The following ANP32E variants were observed in gnomAD, a reference collection of about 807,000 sequenced individuals.
ANP32E encodes acidic nuclear phosphoprotein 32 family member E, also known as acidic leucine-rich nuclear phosphoprotein 32 family member E.
In ANP32E, 14 loss-of-function variants were observed where a neutral mutation model predicts 35.3. The observed-to-expected ratio is 0.40, with a 90% CI of 0.26 to 0.62. The LOEUF (loss-of-function observed/expected upper bound fraction) is 0.62. Among genes scored for constraint, ANP32E ranks in the 20% least tolerant of loss-of-function variants. The pLI, the probability that ANP32E is intolerant of heterozygous loss-of-function variation, is 0.45. For synonymous variants in ANP32E, 89 were observed against 110.4 expected, an observed-to-expected ratio of 0.81 and a Z score of 1.22; for missense variants, 198 against 304.4, an observed-to-expected ratio of 0.65 and a Z score of 2.60.
chr1:150,229,302 T>TA, intron 3 of ANP32E, 65 bp from the exon 4 acceptor site: 1 of 961,704 alleles, frequency 1.0e-6, no homozygotes, highest in Admixed American at 3.3e-5. Flanking sequence ...TTTTTTCTTT[T>TA]TTTTTTTTTT....
intron 1 of ANP32E, among the ~76,000 whole-genome samples, chr1:150,232,792 G>C (rs1396810204): frequency 6.6e-6 from 1 of 151,776 alleles, no homozygotes; most frequent in Non-Finnish European, 1.5e-5. Context: ...ATTTAAACTT[G>C]GACTAAAGTT....
intron 3 of ANP32E, 55 bp from the exon 4 acceptor site, chr1:150,229,292 T>A (rs1430584988): frequency 4.0e-5 from 34 of 848,126 alleles, no homozygotes; most frequent in Non-Finnish European, 2.0e-5. Flanking sequence ...ATGTTATTTC[T>A]TTTTTCTTTT....
intron 1 of ANP32E, chr1:150,234,679 G>C (rs1649636538): frequency 1.0e-6 from 1 of 985,598 alleles, no homozygotes; most frequent in Non-Finnish European, 1.2e-6. Flanking sequence ...TCCGACTGAC[G>C]GGAAACCCCA....
In ANP32E at chr1:150,235,609, C is replaced by A; in HGVS notation, c.54+124G>T. The A allele has an allele frequency of 1.9e-6, 2 of 1,048,836 alleles. No individual in the cohort carries two copies. The highest frequency in any genetic ancestry group is 2.8e-6 in the Non-Finnish European group (2 of 710,754). 65.0% of individuals were successfully genotyped at this position (1,048,836 alleles called of 1,614,324 possible). Reference sequence around the variant, plus strand: ...ACTTAAAATTAAACATTTCCCCAACCCTAACCCGGGGGGATGGGGGCTAAC... The same window carrying A: ...ACTTAAAATTAAACATTTCCCCAACACTAACCCGGGGGGATGGGGGCTAAC... On this transcript the variant is annotated intron_variant, in intron 1 of 6. Coordinates refer to ENST00000583931, the MANE Select transcript of ANP32E (RefSeq NM_030920.5). This position sits in a 1 kb window ranked among gnomAD's most constrained non-coding sequence, Gnocchi z 4.2.
At chr1:150,232,925 C>T (rs968217522) in intron 1 of ANP32E, among the ~76,000 whole-genome samples, 11 of 152,040 alleles carry the variant, frequency 7.2e-5, no homozygotes, top group Non-Finnish European at 1.6e-4. Flanking sequence ...ATGCAAGGAG[C>T]GAGTACCTGA....
chr1:150,223,722 T>TC (rs1375108366), intron 5 of ANP32E, among the ~76,000 whole-genome samples: 1 of 20 alleles, frequency 0.05, no homozygotes, highest in Non-Finnish European at 0.071. Flanking sequence ...ATCTGTAGTC[T>TC]TTTTTTTCTC....
chr1:150,229,241 G>T lies in ANP32E; in HGVS notation c.328-4C>A. On this transcript the variant is annotated splice_region_variant and splice_polypyrimidine_tract_variant and intron_variant, in intron 3 of 6. Coordinates refer to ENST00000583931, the MANE Select transcript of ANP32E (RefSeq NM_030920.5). ...TTTTCAAATTTTTAAGATTTTGCTGGAAAAGTAAAGTTAAAACTTACATTC... is the reference window on the plus strand; with the variant it reads ...TTTTCAAATTTTTAAGATTTTGCTGTAAAAGTAAAGTTAAAACTTACATTC... 4 of 1,499,374 alleles carry T rather than the reference G, an allele frequency of 2.7e-6. No homozygotes were observed. Among genetic ancestry groups the T allele is most frequent in the Non-Finnish European group, 3.6e-6 (4 of 1,112,248 alleles). The allele number at this position is 1,499,374 out of a possible 1,614,324, so 92.9% of individuals were successfully genotyped here. A position where few individuals can be genotyped will look rare whatever the true frequency, so the allele number is the denominator to read the frequency against.
chr1:150,228,459 A>T (rs2101780037), intron 4 of ANP32E, among the ~76,000 whole-genome samples: 1 of 152,290 alleles, frequency 6.6e-6, no homozygotes, highest in Non-Finnish European at 1.5e-5. Flanking sequence ...TAGGAGGCTG[A>T]GGCAGGTGGA....
Position 150,229,358 on chromosome 1 carries a change from C to T in ANP32E, c.328-121G>A, listed in dbSNP as rs1013404934. The T allele has an allele frequency of 2.2e-5, 14 of 631,958 alleles. No individual in the cohort carries two copies. In the African/African-American group the frequency reaches 2.7e-4, roughly 12 times the overall value. 39.1% of individuals were successfully genotyped at this position (631,958 alleles called of 1,614,324 possible). On this transcript the variant is annotated intron_variant, in intron 3 of 6. Coordinates refer to ENST00000583931, the MANE Select transcript of ANP32E (RefSeq NM_030920.5). ...TCTGTTGCCAGCTGGAATTCAGCGC[C>T]ACGATCTCTGCTCACTGCAACCTCC...
intron 6 of ANP32E, 55 bp downstream of exon 6, chr1:150,223,131 T>C (rs1478620432): frequency 1.4e-6 from 2 of 1,458,892 alleles, no homozygotes; most frequent in East Asian, 2.4e-5. Flanking sequence ...AAATAAAGTA[T>C]AAAAAATGAC....
intron 4 of ANP32E, among the ~76,000 whole-genome samples, chr1:150,227,251 T>C (rs779549525): frequency 3.7e-4 from 56 of 152,164 alleles, no homozygotes; most frequent in Non-Finnish European, 7.6e-4. Flanking sequence ...ACTGGGTATA[T>C]ACCCAAAGGA....
chr1:150,221,583 AGGGAGGGAGGGAG>A (rs1648398778), intron 6 of ANP32E, among the ~76,000 whole-genome samples: 4 of 18,856 alleles, frequency 2.1e-4, no homozygotes, highest in Non-Finnish European at 2.7e-4. Context: ...AGTGGGAGGA[AGGGAGGGAGGGAG>A]GGAGGGAGGG....
At chr1:150,226,014 T>TC (rs1294728900) in intron 5 of ANP32E, among the ~76,000 whole-genome samples, 4 of 150,676 alleles carry the variant, frequency 2.7e-5, no homozygotes, top group Non-Finnish European at 5.9e-5. Flanking sequence ...CCTGTTTTTT[T>TC]TTTTTTTTTG....
chr1:150,222,768 C>CAA (rs1189492520), intron 6 of ANP32E, among the ~76,000 whole-genome samples: 65 of 150,772 alleles, frequency 4.3e-4, no homozygotes, highest in African/African-American at 1.5e-3. Flanking sequence ...AACAAACAAA[C>CAA]AAAAATATAT....
chr1:150,231,745 A>T, intron 2 of ANP32E, 32 bp downstream of exon 2: 1 of 1,591,886 alleles, frequency 6.3e-7, no homozygotes, highest in Non-Finnish European at 8.5e-7. Context: ...GTGGCATTGA[A>T]ATCATGATGC....
chr1:150,218,967 T>C lies in ANP32E; in HGVS notation c.*1724A>G, dbSNP rs782238593. On this transcript the variant is annotated 3_prime_UTR_variant, in exon 7 of 7. Transcript: ENST00000583931. ...TTTTAAAAGCAGAAGAAAAATGTTATCTTTTTGGGGATTCCAATCCCCTCA... is the reference window on the plus strand; with the variant it reads ...TTTTAAAAGCAGAAGAAAAATGTTACCTTTTTGGGGATTCCAATCCCCTCA... 2.0e-5 allele frequency: 3 copies of C among 152,506 alleles called. No individual in the cohort carries two copies. Among genetic ancestry groups the C allele is most frequent in the Admixed American group, 2.0e-4 (3 of 15,298 alleles). The allele number at this position is 152,506 out of a possible 1,614,324, so 9.4% of individuals were successfully genotyped here.
Position 150,218,458 on chromosome 1 carries a change from G to A in ANP32E, c.*2233C>T, listed in dbSNP as rs1371575314. On this transcript the variant is annotated 3_prime_UTR_variant, in exon 7 of 7. Coordinates refer to ENST00000583931, the MANE Select transcript of ANP32E (RefSeq NM_030920.5). ...TCTTCAATTTATTTGAAGCAATTCA[G>A]TTTCAAAAACTTTAAGTTACAGCAG... 3 of 152,442 alleles carry A rather than the reference G, an allele frequency of 2.0e-5. No homozygotes were observed. The East Asian group carries it at 5.8e-4, about 29-fold the overall frequency. The allele number at this position is 152,442 out of a possible 1,614,324, so 9.4% of individuals were successfully genotyped here. A position where few individuals can be genotyped will look rare whatever the true frequency, so the allele number is the denominator to read the frequency against.
chr1:150,230,401 A>C (rs1254804936), intron 3 of ANP32E, among the ~76,000 whole-genome samples, 170 bp downstream of exon 3: 1 of 152,226 alleles, frequency 6.6e-6, no homozygotes, highest in Non-Finnish European at 1.5e-5. Flanking sequence ...TTGATTTAAA[A>C]ATTCATCTGA....
Position 150,235,085 on chromosome 1 carries a change from A to C in ANP32E, c.54+648T>G, listed in dbSNP as rs1385970812. 6.6e-6 allele frequency among the ~76,000 whole-genome samples: 1 copy of C among 152,158 alleles called. No individual in the cohort carries two copies. Among genetic ancestry groups the C allele is most frequent in the African/African-American group, 2.4e-5 (1 of 41,436 alleles). ...CCCCTCTCCACCTCCGGTCACTGCG[A>C]CGAGTCCCCAAACTCGCCCGCGGTC... On this transcript the variant is annotated intron_variant, in intron 1 of 6. Coordinates refer to ENST00000583931, the MANE Select transcript of ANP32E (RefSeq NM_030920.5). This position sits in a 1 kb window ranked among gnomAD's most constrained non-coding sequence, Gnocchi z 4.2.
Sources: allele counts gnomAD v4.1 joint callset (sites outside exome capture counted in the v4.1 genomes callset), GRCh38; gene constraint gnomAD v4.1.1; non-coding constraint Gnocchi (gnomAD v3.1); transcripts MANE v1.5; gene names NCBI Gene and HGNC (gene_info 2026-07-23, HGNC 2026-07-21).